The following BACH2 variants were observed in gnomAD, a reference collection of about 807,000 sequenced individuals.
The protein encoded by BACH2 is transcription regulator protein BACH2.
BACH2 carries 5 observed loss-of-function variants against 61.8 expected under a neutral mutation model. That is an observed-to-expected ratio of 0.08 (90% CI 0.04 to 0.17). The LOEUF is 0.17. Ranked by LOEUF, BACH2 falls within the 10% of genes least tolerant of loss-of-function variation. BACH2 has a pLI of 1.00. For missense variants in BACH2, 824 were observed against 1,091.1 expected, an observed-to-expected ratio of 0.76 and a Z score of 3.45; for synonymous variants, 446 against 440.1, an observed-to-expected ratio of 1.01 and a Z score of -0.17.
At chr6:90,196,759 C>T (rs1768774357) in intron 4 of BACH2, among the ~76,000 whole-genome samples, 1 of 151,742 alleles carries the variant, frequency 6.6e-6, no homozygotes, top group African/African-American at 2.4e-5. Flanking sequence ...TAATTAATTG[C>T]TTATATTTAT....
At chr6:90,236,934 T>C (rs1770277938) in intron 3 of BACH2, among the ~76,000 whole-genome samples, 1 of 149,602 alleles carries the variant, frequency 6.7e-6, no homozygotes, top group Non-Finnish European at 1.5e-5. Flanking sequence ...AATGTTCTTA[T>C]TTTTTTTTTG....
intron 6 of BACH2, among the ~76,000 whole-genome samples, chr6:90,002,713 C>T (rs529793981): frequency 6.6e-6 from 1 of 152,136 alleles, no homozygotes; most frequent in South Asian, 2.1e-4. Context: ...GAGGTGGCAG[C>T]GAGCTGAGAT....
chr6:90,033,594 T>A (rs1249199627), intron 5 of BACH2, among the ~76,000 whole-genome samples: 1 of 152,158 alleles, frequency 6.6e-6, no homozygotes, highest in Non-Finnish European at 1.5e-5. Flanking sequence ...TGTGGATGGT[T>A]TTCTGAGCAG....
chr6:90,135,069 C>G (rs188811733), intron 4 of BACH2, among the ~76,000 whole-genome samples: 4 of 152,146 alleles, frequency 2.6e-5, no homozygotes, highest in African/African-American at 9.7e-5. Flanking sequence ...GAGTGATGAC[C>G]GTGCAACAGT....
intron 4 of BACH2, among the ~76,000 whole-genome samples, chr6:90,166,191 A>G (rs1009303093): frequency 2.9e-4 from 44 of 152,314 alleles, no homozygotes; most frequent in African/African-American, 9.9e-4. Flanking sequence ...GAATCTACAA[A>G]GAACTCCAAA....
At chr6:90,151,750 A>G (rs1304531664) in intron 4 of BACH2, among the ~76,000 whole-genome samples, 1 of 152,224 alleles carries the variant, frequency 6.6e-6, no homozygotes, top group African/African-American at 2.4e-5. Context: ...CTAAATCTGT[A>G]GTGTCCCAAC....
chr6:90,119,382 A>C (rs1783532548), intron 4 of BACH2, among the ~76,000 whole-genome samples: 1 of 152,252 alleles, frequency 6.6e-6, no homozygotes, highest in Non-Finnish European at 1.5e-5. Context: ...ATTCACATAT[A>C]CCAAAAATCA....
intron 4 of BACH2, among the ~76,000 whole-genome samples, chr6:90,141,115 A>G (rs531864160): frequency 6.6e-6 from 1 of 152,238 alleles, no homozygotes; most frequent in South Asian, 2.1e-4. Flanking sequence ...GAAAATAGTC[A>G]TAATTTTATA....
intron 6 of BACH2, among the ~76,000 whole-genome samples, chr6:89,978,843 C>G (rs1331614445): frequency 6.6e-6 from 1 of 152,022 alleles, no homozygotes; most frequent in Non-Finnish European, 1.5e-5. Flanking sequence ...TATAAACATC[C>G]CCTACTTTCT....
intron 1 of BACH2, among the ~76,000 whole-genome samples, chr6:90,296,158 C>CT (rs1386570887): frequency 6.6e-6 from 1 of 152,002 alleles, no homozygotes; most frequent in Non-Finnish European, 1.5e-5. Flanking sequence ...ACTCTCTGCT[C>CT]CTCCTCCCTC....
chr6:89,941,925 CA>C (rs1163183537), intron 7 of BACH2, among the ~76,000 whole-genome samples: 1 of 151,746 alleles, frequency 6.6e-6, no homozygotes, highest in Non-Finnish European at 1.5e-5. Flanking sequence ...GGAGAGTTGC[CA>C]AGAAAAAGAA....
chr6:90,234,668 G>A (rs1378706294), intron 3 of BACH2, among the ~76,000 whole-genome samples: 2 of 152,158 alleles, frequency 1.3e-5, no homozygotes, highest in Non-Finnish European at 2.9e-5. Context: ...CACTACATTT[G>A]GGAAACAGCC....
intron 4 of BACH2, among the ~76,000 whole-genome samples, chr6:90,193,450 G>C (rs1055086742): frequency 6.6e-6 from 1 of 152,122 alleles, no homozygotes; most frequent in Non-Finnish European, 1.5e-5. Flanking sequence ...AGAGATCCTT[G>C]CCTCACAGTC....
intron 6 of BACH2, among the ~76,000 whole-genome samples, chr6:89,957,258 C>T (rs899054341): frequency 6.6e-6 from 1 of 152,252 alleles, no homozygotes; most frequent in Non-Finnish European, 1.5e-5. Context: ...CATCACTCCT[C>T]ATCTTAATTT....
At chr6:90,062,993 C>T in intron 5 of BACH2, 1 of 907,026 alleles carries the variant, frequency 1.1e-6, no homozygotes, top group Non-Finnish European at 1.3e-6. Flanking sequence ...GAAAATACAA[C>T]CAGATGTATA....
rs1772451388 is a variant in BACH2, at chr6:89,928,144, A to C, written c.*4264T>G. On this transcript the variant is annotated 3_prime_UTR_variant, in exon 9 of 9. Transcript: ENST00000257749. ...TAGAAAACAAAAACAAAAACAAAAAACACCTTGTTCTTTAGTCTATTTACA... is the reference window on the plus strand; with the variant it reads ...TAGAAAACAAAAACAAAAACAAAAACCACCTTGTTCTTTAGTCTATTTACA... The C allele has an allele frequency of 6.9e-6, 1 of 144,796 alleles. No individual in the cohort carries two copies. The highest frequency in any genetic ancestry group is 2.2e-4 in the South Asian group (1 of 4,592). The allele number at this position is 144,796 out of a possible 1,614,324, so 9.0% of individuals were successfully genotyped here. A position where few individuals can be genotyped will look rare whatever the true frequency, so the allele number is the denominator to read the frequency against.
intron 4 of BACH2, among the ~76,000 whole-genome samples, chr6:90,165,350 C>G (rs942802772): frequency 2.7e-4 from 41 of 152,232 alleles, no homozygotes; most frequent in African/African-American, 9.2e-4. Flanking sequence ...ATCCAACATA[C>G]AAGGGATGTG....
intron 1 of BACH2, among the ~76,000 whole-genome samples, chr6:90,280,879 G>A (rs956156326): frequency 6.6e-6 from 1 of 152,028 alleles, no homozygotes; most frequent in African/African-American, 2.4e-5. Flanking sequence ...AACAAGGAAA[G>A]GCTGCTTCCA....
In BACH2 at chr6:90,278,807, T is replaced by C. The variant is rs113435429; in HGVS notation, c.-445-6866A>G. 3.8e-3 allele frequency among the ~76,000 whole-genome samples: 578 copies of C among 152,312 alleles called. 7 individuals carry two copies. Among genetic ancestry groups the C allele is most frequent in the African/African-American group, 0.013 (557 of 41,570 alleles). ...TCTTCTTTTCTCTGAGAGCTCTCAA[T>C]CACTCTAGACTTTAGAGACTAAATC... On this transcript the variant is annotated intron_variant, in intron 1 of 8. Coordinates refer to ENST00000257749, the MANE Select transcript of BACH2 (RefSeq NM_021813.4).
Sources: allele counts gnomAD v4.1 joint callset (sites outside exome capture counted in the v4.1 genomes callset), GRCh38; gene constraint gnomAD v4.1.1; transcripts MANE v1.5; gene names NCBI Gene and HGNC (gene_info 2026-07-23, HGNC 2026-07-21).